Variants in ATP2A2 observed in about 807,000 individuals in gnomAD.
ATP2A2 encodes ATPase sarcoplasmic/endoplasmic reticulum Ca2+ transporting 2, also known as sarcoplasmic/endoplasmic reticulum calcium ATPase 2.
ATP2A2 carries 14 observed loss-of-function variants against 109.3 expected under a neutral mutation model. The ratio of observed to expected loss-of-function variants is 0.13; its 90% CI spans 0.08 to 0.20. The LOEUF is 0.20. Ranked by LOEUF, ATP2A2 falls within the 10% of genes least tolerant of loss-of-function variation. The pLI, the probability that ATP2A2 is intolerant of heterozygous loss-of-function variation, is 1.00. For missense variants in ATP2A2, 657 were observed against 1,321.6 expected, an observed-to-expected ratio of 0.50 and a Z score of 7.80; for synonymous variants, 506 against 490.9, an observed-to-expected ratio of 1.03 and a Z score of -0.41.
chr12:110,329,674 A>C (rs1878151921), intron 8 of ATP2A2: 1 of 152,196 alleles, frequency 6.6e-6, no homozygotes, highest in Non-Finnish European at 1.5e-5. Context: ...CGCTTTTGAA[A>C]GCCTCCCAAA....
chr12:110,344,108 A>C (rs961018583), intron 16 of ATP2A2, among the ~76,000 whole-genome samples: 1 of 152,174 alleles, frequency 6.6e-6, no homozygotes, highest in African/African-American at 2.4e-5. Flanking sequence ...GCACACCTGC[A>C]TGTTGACCCT....
intron 11 of ATP2A2, among the ~76,000 whole-genome samples, chr12:110,335,355 C>T (rs1413958903): frequency 6.6e-6 from 1 of 152,244 alleles, no homozygotes; most frequent in East Asian, 1.9e-4. Context: ...CTGCCTGTCA[C>T]TTGGCTCAGC....
At chr12:110,337,645 C>G (rs1878962532) in intron 11 of ATP2A2, among the ~76,000 whole-genome samples, 1 of 152,188 alleles carries the variant, frequency 6.6e-6, no homozygotes, top group East Asian at 1.9e-4. Flanking sequence ...TGCTGATGTT[C>G]TTGGGGATTT....
intron 4 of ATP2A2, 154 bp from the exon 5 acceptor site, chr12:110,296,445 G>A (rs1296477799): frequency 3.1e-6 from 3 of 959,894 alleles, no homozygotes; most frequent in Middle Eastern, 2.8e-4. Flanking sequence ...ATGTCCTTGT[G>A]TCTGTTGCCT....
intron 8 of ATP2A2, among the ~76,000 whole-genome samples, chr12:110,328,840 T>C (rs760523328): frequency 4.6e-5 from 7 of 152,168 alleles, no homozygotes; most frequent in Non-Finnish European, 1.0e-4. Flanking sequence ...AGAGCTGGGA[T>C]TATAAGCATG....
chr12:110,286,011 C>T (rs2137683398), intron 3 of ATP2A2, among the ~76,000 whole-genome samples: 1 of 151,800 alleles, frequency 6.6e-6, no homozygotes, highest in South Asian at 2.1e-4. Flanking sequence ...GCAACCTCCA[C>T]CTCCTGGGTT....
At chr12:110,345,966 G>A (rs1879812029) in intron 18 of ATP2A2, 35 bp from the exon 19 acceptor site, 1 of 1,599,948 alleles carries the variant, frequency 6.3e-7, no homozygotes. Context: ...GCCTTGCCTT[G>A]GGGGTGCGTT....
At chr12:110,320,567 C>T (rs1215142535) in intron 5 of ATP2A2, among the ~76,000 whole-genome samples, 1 of 152,174 alleles carries the variant, frequency 6.6e-6, no homozygotes, top group Non-Finnish European at 1.5e-5. Flanking sequence ...TGTTAAAGAC[C>T]ACTAAAGTTT....
intron 11 of ATP2A2, among the ~76,000 whole-genome samples, chr12:110,338,154 C>T (rs1054622131): frequency 1.3e-5 from 2 of 152,190 alleles, no homozygotes; most frequent in African/African-American, 2.4e-5. Context: ...GCTCCATAGT[C>T]CTCAGCCATT....
chr12:110,292,654 G>C (rs1016065908), intron 4 of ATP2A2, among the ~76,000 whole-genome samples: 10 of 152,168 alleles, frequency 6.6e-5, no homozygotes, highest in African/African-American at 2.2e-4. Context: ...AAGTGTGGTG[G>C]CACCAGCCTG....
chr12:110,307,742 A>G (rs1875530356), intron 5 of ATP2A2, among the ~76,000 whole-genome samples: 1 of 152,156 alleles, frequency 6.6e-6, no homozygotes, highest in African/African-American at 2.4e-5. Context: ...GATTCTGGAT[A>G]TTAGTCCTTT....
At chr12:110,306,179 G>C (rs7965279) in intron 5 of ATP2A2, among the ~76,000 whole-genome samples, 114,438 of 152,008 alleles carry the variant, frequency 0.75, 44,136 homozygotes, top group African/African-American at 0.9. Context: ...GCTGGGACCA[G>C]AGGCGCCTGC....
chr12:110,307,023 T>C (rs1875418204), intron 5 of ATP2A2, among the ~76,000 whole-genome samples: 1 of 152,074 alleles, frequency 6.6e-6, no homozygotes, highest in Non-Finnish European at 1.5e-5. Context: ...CCTCCGAAAG[T>C]GCTGAGATTA....
intron 5 of ATP2A2, among the ~76,000 whole-genome samples, chr12:110,307,129 T>G (rs749986693): frequency 6.6e-6 from 1 of 152,146 alleles, no homozygotes; most frequent in Non-Finnish European, 1.5e-5. Flanking sequence ...CTGTTTTTAG[T>G]TTCTTGAGAA....
intron 3 of ATP2A2, among the ~76,000 whole-genome samples, chr12:110,289,232 C>G (rs966108703): frequency 6.6e-6 from 1 of 152,156 alleles, no homozygotes; most frequent in Non-Finnish European, 1.5e-5. Flanking sequence ...CCTCACTGAC[C>G]TTTTGGAAAG....
chr12:110,318,483 G>C (rs573761439), intron 5 of ATP2A2, among the ~76,000 whole-genome samples: 1 of 152,060 alleles, frequency 6.6e-6, no homozygotes, highest in Non-Finnish European at 1.5e-5. Flanking sequence ...TGGCAGGTTC[G>C]TTGGTTTGTT....
At chr12:110,304,342 T>TA (rs796417778) in intron 5 of ATP2A2, among the ~76,000 whole-genome samples, 86 of 152,334 alleles carry the variant, frequency 5.6e-4, no homozygotes, top group African/African-American at 1.9e-3. Context: ...ACTCTATACT[T>TA]AACATTTTGA....
rs1266947777 is a variant in ATP2A2, at chr12:110,342,966, C to T, written c.2319-266C>T. Among the ~76,000 whole-genome samples, 1 of 152,074 alleles carries T rather than the reference C, an allele frequency of 6.6e-6. No homozygotes were observed. Among genetic ancestry groups the T allele is most frequent in the Non-Finnish European group, 1.5e-5 (1 of 68,010 alleles). ...GTTGCCCAGGCTGGTCTCTTAACTGCTGAGCTCAGCCAGTCTGCCCACCTT... is the reference window on the plus strand; with the variant it reads ...GTTGCCCAGGCTGGTCTCTTAACTGTTGAGCTCAGCCAGTCTGCCCACCTT... On this transcript the variant is annotated intron_variant, in intron 15 of 19. Coordinates refer to ENST00000539276, the MANE Select transcript of ATP2A2 (RefSeq NM_170665.4). The surrounding 1 kb of genome is among the most constrained non-coding windows in gnomAD (Gnocchi z 4.6).
At chr12:110,282,645 T>G (rs1415266764) in intron 2 of ATP2A2, 24 bp downstream of exon 2, 2 of 1,613,608 alleles carry the variant, frequency 1.2e-6, no homozygotes, top group Non-Finnish European at 1.7e-6. Flanking sequence ...GCTGTTTCTG[T>G]TTTTTTTCCT....
Sources: gnomAD v4.1 joint callset for allele counts (sites outside exome capture counted in the v4.1 genomes callset) on GRCh38, gnomAD v4.1.1 for gene constraint, Gnocchi (gnomAD v3.1) non-coding constraint, MANE v1.5 for transcripts, NCBI Gene and HGNC (gene_info 2026-07-23, HGNC 2026-07-21) for gene names.